Variants in GPR176 observed in about 807,000 individuals in gnomAD.
GPR176 encodes the protein G-protein coupled receptor 176.
A neutral mutation model predicts 35.4 loss-of-function variants in GPR176; 26 were observed. That is an observed-to-expected ratio of 0.74 (90% CI 0.54 to 1.02). GPR176 has a LOEUF of 1.02. GPR176 is among the 50% of genes least tolerant of loss of function. The probability of loss-of-function intolerance (pLI) is 0.00; values close to 1 mark genes in which losing one functional copy is unlikely to be tolerated. For missense variants in GPR176, 597 were observed against 665.3 expected, an observed-to-expected ratio of 0.90 and a Z score of 1.13; for synonymous variants, 278 against 271.3, an observed-to-expected ratio of 1.02 and a Z score of -0.24.
Position 39,914,199 on chromosome 15 carries a change from C to T in GPR176, c.172+5656G>A, listed in dbSNP as rs2033663079. 2.6e-5 allele frequency among the ~76,000 whole-genome samples: 4 copies of T among 151,668 alleles called. No homozygotes were observed. The South Asian group carries it at 8.3e-4, about 32-fold the overall frequency. On this transcript the variant is annotated intron_variant, in intron 1 of 2. Coordinates refer to ENST00000561100, the MANE Select transcript of GPR176 (RefSeq NM_007223.3). The stretch of plus-strand genomic sequence containing the variant: ...AGGAAGAATTCTATCATATAGACAT[C>T]ATATAGAAATAAAAGACAATGTGAG...
At chr15:39,918,458 T>G (rs2033784298) in intron 1 of GPR176, among the ~76,000 whole-genome samples, 1 of 152,164 alleles carries the variant, frequency 6.6e-6, no homozygotes, top group Non-Finnish European at 1.5e-5. Context: ...TGTATGTATA[T>G]ATATGTATAT....
At position 39,902,045 on chromosome 15, in the gene GPR176, C is replaced by T. The variant is rs181121956; in HGVS notation, c.172+17810G>A. On this transcript the variant is annotated intron_variant, in intron 1 of 2. Transcript: ENST00000561100. ...GTTGCAGTGAGCCGAGATTGTGCCA[C>T]TGCACTCCAGCCTGGGCAACAAAGT... is the stretch of plus-strand genomic sequence containing the variant. Among the ~76,000 whole-genome samples, 223 of 152,244 alleles carry T rather than the reference C, an allele frequency of 1.5e-3. 3 individuals carry two copies. Among genetic ancestry groups the T allele is most frequent in the Non-Finnish European group, 4.0e-4 (27 of 68,018 alleles).
chr15:39,835,819 C>T (rs1008902294), intron 1 of GPR176, among the ~76,000 whole-genome samples: 3 of 152,190 alleles, frequency 2.0e-5, no homozygotes, highest in African/African-American at 7.2e-5. Flanking sequence ...TCAGGCCTGA[C>T]ATGGTGGCTC....
chr15:39,899,470 C>CATTG (rs1459601382), intron 1 of GPR176, among the ~76,000 whole-genome samples: 1 of 152,104 alleles, frequency 6.6e-6, no homozygotes, highest in Non-Finnish European at 1.5e-5. Context: ...TTCTTTTACA[C>CATTG]ATTGATGTAT....
At chr15:39,835,519 CA>C (rs1901344832) in intron 1 of GPR176, among the ~76,000 whole-genome samples, 2 of 151,948 alleles carry the variant, frequency 1.3e-5, no homozygotes, top group Admixed American at 6.6e-5. Flanking sequence ...AGCTCTGCCC[CA>C]AAAAATTCTC....
chr15:39,821,792 C>G (rs985219828), intron 1 of GPR176, among the ~76,000 whole-genome samples: 1 of 152,176 alleles, frequency 6.6e-6, no homozygotes, highest in Non-Finnish European at 1.5e-5. Flanking sequence ...GCTATTTTTG[C>G]TAACTGTTAA....
intron 1 of GPR176, among the ~76,000 whole-genome samples, chr15:39,901,437 T>G (rs1428443509): frequency 3.3e-5 from 5 of 152,146 alleles, no homozygotes; most frequent in Non-Finnish European, 5.9e-5. Context: ...CTTCAGCCCT[T>G]AAGCAACACT....
At chr15:39,859,491 G>GAAA (rs34571204) in intron 1 of GPR176, among the ~76,000 whole-genome samples, 22 of 143,710 alleles carry the variant, frequency 1.5e-4, no homozygotes, top group East Asian at 1.0e-3. Flanking sequence ...TGGCCACTGT[G>GAAA]AAAAAAAAAA....
chr15:39,913,772 C>T (rs555498602), intron 1 of GPR176, among the ~76,000 whole-genome samples: 74 of 152,220 alleles, frequency 4.9e-4, no homozygotes, highest in Non-Finnish European at 8.8e-4. Flanking sequence ...GTTGGCCGGG[C>T]GCGGTGGCTC....
chr15:39,919,725 A>G, intron 1 of GPR176, 130 bp downstream of exon 1: 1 of 617,886 alleles, frequency 1.6e-6, no homozygotes, highest in Non-Finnish European at 2.5e-6. Flanking sequence ...CGGGATCCTT[A>G]AGCTTCCTTC....
In GPR176 at chr15:39,801,995, G is replaced by T. The variant is rs139891601; in HGVS notation, c.685C>A (p.Arg229=). Residue 229 remains arginine (R), a synonymous_variant, in exon 3 of 3, where the codon CGA becomes AGA. Transcript: ENST00000561100. ...VVVFLFLILI[R]RALSASQKKK... ...TTCTGGCTGGCACTCAGGGCCCGTCGGATCAGTATCAAGAAGAGGAACACC... is the reference window on the plus strand; with the variant it reads ...TTCTGGCTGGCACTCAGGGCCCGTCTGATCAGTATCAAGAAGAGGAACACC... 4.5e-5 allele frequency: 72 copies of T among 1,613,902 alleles called. No individual in the cohort carries two copies. The highest frequency in any genetic ancestry group is 5.8e-5 in the Non-Finnish European group (68 of 1,180,006).
chr15:39,860,629 G>A (rs1009536033), intron 1 of GPR176, among the ~76,000 whole-genome samples: 1 of 152,100 alleles, frequency 6.6e-6, no homozygotes, highest in African/African-American at 2.4e-5. Context: ...CTAAATCAGG[G>A]AAATAAAAGA....
At chr15:39,914,025 A>G (rs1037566056) in intron 1 of GPR176, among the ~76,000 whole-genome samples, 10 of 152,158 alleles carry the variant, frequency 6.6e-5, no homozygotes, top group South Asian at 4.1e-4. Flanking sequence ...CAGCCTGGAC[A>G]ACAGAGTGAG....
At chr15:39,883,216 C>G (rs2032545941) in intron 1 of GPR176, among the ~76,000 whole-genome samples, 1 of 152,044 alleles carries the variant, frequency 6.6e-6, no homozygotes, top group African/African-American at 2.4e-5. Flanking sequence ...TTGACAGACT[C>G]TAATTATAAC....
intron 1 of GPR176, among the ~76,000 whole-genome samples, chr15:39,854,609 A>G (rs1024239118): frequency 6.6e-6 from 1 of 152,200 alleles, no homozygotes; most frequent in African/African-American, 2.4e-5. Context: ...GCCCATACCA[A>G]GAGTTCTGTG....
In GPR176 at chr15:39,897,655, G is replaced by A. The variant is rs556738479; in HGVS notation, c.172+22200C>T. On this transcript the variant is annotated intron_variant, in intron 1 of 2. Coordinates refer to ENST00000561100, the MANE Select transcript of GPR176 (RefSeq NM_007223.3). ...GGAGTCTCGCTCTGTCGCCCAGGCC[G>A]GACTGCGGACTGCAGTGGCGCAATC... 1.1e-4 allele frequency among the ~76,000 whole-genome samples: 14 copies of A among 132,500 alleles called. No homozygotes were observed. In the South Asian group the frequency reaches 3.0e-3, roughly 28 times the overall value. 86.9% of individuals were successfully genotyped at this position (132,500 alleles called of 152,430 possible). A position where few individuals can be genotyped will look rare whatever the true frequency, so the allele number is the denominator to read the frequency against.
chr15:39,849,989 T>C lies in GPR176; in HGVS notation c.173-42731A>G, dbSNP rs1003061721. ...CACTGTACTGAATACTGAAAGGCAA[T>C]TGTAAATATTTGCATGTCTAAACAT... On this transcript the variant is annotated intron_variant, in intron 1 of 2. Coordinates refer to ENST00000561100, the MANE Select transcript of GPR176 (RefSeq NM_007223.3). Among the ~76,000 whole-genome samples, 8 of 152,060 alleles carry C rather than the reference T, an allele frequency of 5.3e-5. No individual in the cohort carries two copies. In the South Asian group the frequency reaches 6.2e-4, roughly 12 times the overall value.
intron 1 of GPR176, among the ~76,000 whole-genome samples, chr15:39,909,674 A>T (rs413400): frequency 0.97 from 148,314 of 152,316 alleles, 72,255 homozygotes; most frequent in East Asian, 1. Context: ...ATAAATGAAA[A>T]CTTGAGCCTT....
intron 1 of GPR176, among the ~76,000 whole-genome samples, chr15:39,810,993 G>T (rs1899509694): frequency 6.6e-6 from 1 of 152,152 alleles, no homozygotes; most frequent in Non-Finnish European, 1.5e-5. Context: ...TGGGTTTAAA[G>T]AATTGTGTGA....
Sources: allele counts gnomAD v4.1 joint callset (sites outside exome capture counted in the v4.1 genomes callset), GRCh38; gene constraint gnomAD v4.1.1; transcripts MANE v1.5; gene names NCBI Gene and HGNC (gene_info 2026-07-23, HGNC 2026-07-21).